MROH7: variants seen among roughly 807,000 people sequenced by gnomAD.
MROH7 encodes maestro heat like repeat family member 7, also known as maestro heat-like repeat-containing protein family member 7.
MROH7 carries 113 observed loss-of-function variants against 129.2 expected under a neutral mutation model. The ratio of observed to expected loss-of-function variants is 0.87; its 90% CI spans 0.75 to 1.02. The LOEUF (loss-of-function observed/expected upper bound fraction) is 1.02, where lower values mean the gene tolerates loss of function less well. MROH7 is among the 50% of genes least tolerant of loss of function. MROH7 has a pLI of 0.00. For synonymous variants in MROH7, 655 were observed against 667.9 expected, an observed-to-expected ratio of 0.98 and a Z score of 0.30; for missense variants, 1,601 against 1,671.3, an observed-to-expected ratio of 0.96 and a Z score of 0.73.
At chr1:54,697,887 G>T in intron 17 of MROH7, 1 of 483,872 alleles carries the variant, frequency 2.1e-6, no homozygotes, top group Non-Finnish European at 3.7e-6. Context: ...GCATTCCTGT[G>T]TCCACCACAA....
intron 23 of MROH7, 81 bp from the exon 24 acceptor site, chr1:54,709,865 T>G: frequency 1.3e-6 from 2 of 1,530,498 alleles, no homozygotes; most frequent in Non-Finnish European, 1.8e-6. Context: ...AGCCAAGGCA[T>G]GGAGATGGGA....
chr1:54,691,761 G>A (rs1213958476), intron 15 of MROH7, among the ~76,000 whole-genome samples: 4 of 147,274 alleles, frequency 2.7e-5, no homozygotes, highest in Middle Eastern at 3.7e-3. Context: ...AGCCGAGATC[G>A]CACCATTGCA....
intron 1 of MROH7, among the ~76,000 whole-genome samples, chr1:54,645,463 T>C (rs974729178): frequency 2.0e-5 from 3 of 151,800 alleles, no homozygotes; most frequent in African/African-American, 7.3e-5. Context: ...GTATTTTTAG[T>C]AGAGACAGGG....
At chr1:54,643,460 A>G (rs1418365768) in intron 1 of MROH7, among the ~76,000 whole-genome samples, 1 of 152,190 alleles carries the variant, frequency 6.6e-6, no homozygotes, top group Non-Finnish European at 1.5e-5. Context: ...GGAGAGATGG[A>G]GGGGCTAGGC....
chr1:54,686,075 A>G (rs1348056617), intron 14 of MROH7, among the ~76,000 whole-genome samples, 183 bp from the exon 15 acceptor site: 1 of 150,816 alleles, frequency 6.6e-6, no homozygotes, highest in Non-Finnish European at 1.5e-5. Flanking sequence ...GCTCTGGGAC[A>G]GGGCCTCTGG....
At chr1:54,678,717 C>T in intron 10 of MROH7, 25 bp from the exon 11 acceptor site, 2 of 1,535,272 alleles carry the variant, frequency 1.3e-6, no homozygotes, top group Non-Finnish European at 1.8e-6. Flanking sequence ...GATCCGGCCT[C>T]ACTGAGAAGG....
intron 9 of MROH7, 50 bp downstream of exon 9, chr1:54,673,855 T>C (rs764962028): frequency 6.4e-7 from 1 of 1,557,426 alleles, no homozygotes; most frequent in East Asian, 2.2e-5. Flanking sequence ...ATCTTCCCAC[T>C]TCTGAAGGAG....
Position 54,653,048 on chromosome 1 carries a change from T to G in MROH7, c.122T>G (p.Met41Arg), listed in dbSNP as rs752336439. 4.3e-6 allele frequency: 7 copies of G among 1,614,168 alleles called. No homozygotes were observed. The highest frequency in any genetic ancestry group is 5.9e-6 in the Non-Finnish European group (7 of 1,180,026). The change falls in exon 3 of 24, where the codon ATG becomes AGG. Residue 41 changes from methionine (M) to arginine (R), a missense_variant. Transcript: ENST00000421030. ...ACCATCCCTCAGCCCCACCCAGACA[T>G]GGCTCAGGTGCCTATGTTGAATCTG... ...SGTIPQPHPD[M>R]AQVPMLNLLP... is the part of the protein sequence containing the mutation.
At position 54,653,009 on chromosome 1, in the gene MROH7, G is replaced by T. The variant is rs1644580984; in HGVS notation, c.83G>T (p.Gly28Val). ...TPSPPSCGAP[G>V]LGSGTIPQPH... is the part of the protein sequence containing the mutation. ...AGTCCCCCCTCCTGTGGGGCCCCGG[G>T]ATTAGGGTCTGGTACCATCCCTCAG... The change falls in exon 3 of 24, where the codon GGA (glycine) becomes GTA (valine). Residue 28 changes from glycine (G) to valine (V), a missense_variant. Physicochemically the swap from Gly to Val is moderately radical, Grantham distance 109. Transcript: ENST00000421030. The T allele has an allele frequency of 6.2e-7, 1 of 1,614,054 alleles. No homozygotes were observed. The highest frequency in any genetic ancestry group is 1.1e-5 in the South Asian group (1 of 91,076).
In MROH7 at chr1:54,650,477, C is replaced by T. The variant is rs566017232; in HGVS notation, c.-109-1472C>T. Among the ~76,000 whole-genome samples, 3 of 152,090 alleles carry T rather than the reference C, an allele frequency of 2.0e-5. No individual in the cohort carries two copies. In the East Asian group the frequency reaches 5.8e-4, roughly 29 times the overall value. ...CCTCATCAAATGAAGAAGAGTCTCC[C>T]CTTGCCACCCATTGCCCTTCTCTTA... On this transcript the variant is annotated intron_variant, in intron 1 of 23. Transcript: ENST00000421030.
At chr1:54,702,006 G>A in intron 19 of MROH7, 84 bp from the exon 20 acceptor site, 3 of 1,245,782 alleles carry the variant, frequency 2.4e-6, no homozygotes, top group Middle Eastern at 2.0e-4. Context: ...CTAGGCTTGA[G>A]TGAGAGGAAC....
intron 3 of MROH7, among the ~76,000 whole-genome samples, chr1:54,662,084 G>A (rs556395226): frequency 3.2e-4 from 49 of 151,962 alleles, no homozygotes; most frequent in Admixed American, 2.8e-3. Flanking sequence ...GCCAAATGTG[G>A]TAGCGTGGGC....
Position 54,700,446 on chromosome 1 carries a change from C to A in MROH7, c.3090C>A (p.Ala1030=). 1 of 1,600,902 alleles carries A rather than the reference C, an allele frequency of 6.2e-7. No individual in the cohort carries two copies. Among genetic ancestry groups the A allele is most frequent in the Non-Finnish European group, 8.5e-7 (1 of 1,172,682 alleles). Residue 1030 remains alanine (A), a synonymous_variant, in exon 18 of 24, where the codon GCC becomes GCA. Transcript: ENST00000421030. ...CCATTCGAGGCCTGGTCATCCTGGC[C>A]CGCAGGTCTGAGAAGGTGAGTGGGA... The part of the protein sequence containing the change: ...VLSIRGLVIL[A]RRSEKTAKVK...
Position 54,695,425 on chromosome 1 carries a change from C to T in MROH7, c.2899C>T (p.Leu967Phe), listed in dbSNP as rs1645304467. 6.2e-7 allele frequency: 1 copy of T among 1,613,852 alleles called. No homozygotes were observed. The highest frequency in any genetic ancestry group is 8.5e-7 in the Non-Finnish European group (1 of 1,179,870). The change falls in exon 17 of 24, where the codon CTC becomes TTC. Residue 967 changes from leucine to phenylalanine, a missense_variant. Leu to Phe is a conservative substitution (Grantham distance 22). Coordinates refer to ENST00000421030, the MANE Select transcript of MROH7 (RefSeq NM_001039464.4). ...CQELCRILYL[L>F]IPLLERGDEK... Reference sequence around the variant, plus strand: ...GGAGCTGTGCCGCATCCTCTACCTGCTCATCCCGCTCCTGGAGCGAGGCGA... The same window carrying T: ...GGAGCTGTGCCGCATCCTCTACCTGTTCATCCCGCTCCTGGAGCGAGGCGA...
At chr1:54,699,191 T>TTCTTTCTG (rs1645390049) in intron 17 of MROH7, 1 of 110,666 alleles carries the variant, frequency 9.0e-6, no homozygotes, top group African/African-American at 3.6e-5. Flanking sequence ...TTCTTTCTCT[T>TTCTTTCTG]TCTTTCTTTC....
intron 7 of MROH7, among the ~76,000 whole-genome samples, chr1:54,671,238 A>AG (rs1485267571): frequency 7.9e-6 from 1 of 126,816 alleles, no homozygotes; most frequent in Non-Finnish European, 1.6e-5. Context: ...ATACAAAAAA[A>AG]GAAAAAAAAA....
chr1:54,647,570 T>G (rs1342926026), intron 1 of MROH7, among the ~76,000 whole-genome samples: 1 of 152,040 alleles, frequency 6.6e-6, no homozygotes, highest in Non-Finnish European at 1.5e-5. Flanking sequence ...TGAAACCCCG[T>G]CGCTACTAAA....
intron 21 of MROH7, among the ~76,000 whole-genome samples, chr1:54,704,006 C>G (rs939333564): frequency 1.3e-5 from 2 of 152,110 alleles, no homozygotes; most frequent in South Asian, 4.2e-4. Flanking sequence ...CAGGCAATGC[C>G]CAGAGTTGGG....
chr1:54,708,381 C>G (rs575565941), intron 22 of MROH7, among the ~76,000 whole-genome samples: 8 of 152,202 alleles, frequency 5.3e-5, no homozygotes, highest in Non-Finnish European at 8.8e-5. Context: ...GTGCTATGAT[C>G]ATGCCACTGC....
Sources: gnomAD v4.1 joint callset for allele counts (sites outside exome capture counted in the v4.1 genomes callset) on GRCh38, gnomAD v4.1.1 for gene constraint, MANE v1.5 for transcripts, NCBI Gene and HGNC (gene_info 2026-07-23, HGNC 2026-07-21) for gene names.